The following DNAH14 variants were observed in gnomAD, a reference collection of about 807,000 sequenced individuals.
The protein encoded by DNAH14 is dynein axonemal heavy chain 14.
Under a neutral mutation model 520.9 loss-of-function variants are expected in DNAH14, and 478 were observed. The observed-to-expected ratio is 0.92, with a 90% CI of 0.85 to 0.99. The LOEUF is 0.99. Among genes scored for constraint, DNAH14 ranks in the 50% least tolerant of loss-of-function variants. DNAH14 has a pLI of 0.00. For missense variants in DNAH14, 4,831 were observed against 5,234.5 expected, an observed-to-expected ratio of 0.92 and a Z score of 2.38; for synonymous variants, 1,581 against 1,757.2, an observed-to-expected ratio of 0.90 and a Z score of 2.51.
Position 225,062,732 on chromosome 1 carries a change from T to G in DNAH14, c.2424+10937T>G, listed in dbSNP as rs79776474. ...CAACAATTATACAAGGCATTCAGTGTGGACCCCAAATGAGTAAACCTTAGC... is the reference window on the plus strand; with the variant it reads ...CAACAATTATACAAGGCATTCAGTGGGGACCCCAAATGAGTAAACCTTAGC... On this transcript the variant is annotated intron_variant, in intron 17 of 85. Coordinates refer to ENST00000682510, the MANE Select transcript of DNAH14 (RefSeq NM_001367479.1). 5.0e-3 allele frequency among the ~76,000 whole-genome samples: 762 copies of G among 152,320 alleles called. 6 individuals are homozygous for G. Among genetic ancestry groups the G allele is most frequent in the African/African-American group, 0.017 (719 of 41,570 alleles).
intron 36 of DNAH14, among the ~76,000 whole-genome samples, chr1:225,170,849 C>A (rs1391123164): frequency 6.6e-6 from 1 of 152,116 alleles, no homozygotes; most frequent in Non-Finnish European, 1.5e-5. Flanking sequence ...CTTATTCCAA[C>A]ATTGACCACT....
chr1:225,187,054 C>T (rs376314723), intron 37 of DNAH14, among the ~76,000 whole-genome samples: 4 of 151,800 alleles, frequency 2.6e-5, no homozygotes, highest in South Asian at 4.2e-4. Flanking sequence ...ATCATAGGAA[C>T]ACTCCTTGCT....
At chr1:224,980,150 T>G (rs2062158400) in intron 8 of DNAH14, among the ~76,000 whole-genome samples, 1 of 152,142 alleles carries the variant, frequency 6.6e-6, no homozygotes, top group African/African-American at 2.4e-5. Context: ...TTAGGTACTA[T>G]CTTGGCCACA....
intron 41 of DNAH14, among the ~76,000 whole-genome samples, chr1:225,219,436 C>A (rs190868993): frequency 6.7e-6 from 1 of 149,950 alleles, no homozygotes; most frequent in African/African-American, 2.4e-5. Flanking sequence ...AGAAAAGAGA[C>A]AAGAATCAAA....
intron 81 of DNAH14, among the ~76,000 whole-genome samples, chr1:225,386,433 T>G (rs569938550): frequency 1.3e-5 from 2 of 152,198 alleles, no homozygotes; most frequent in South Asian, 4.1e-4. Flanking sequence ...TACCATCAGA[T>G]TGAACAGGCA....
chr1:224,985,874 T>G (rs1011412492), intron 8 of DNAH14, among the ~76,000 whole-genome samples: 1 of 149,106 alleles, frequency 6.7e-6, no homozygotes, highest in African/African-American at 2.5e-5. Flanking sequence ...TAAAAAAGAA[T>G]AAAAAAAAAT....
At chr1:225,367,406 C>A (rs2095567324) in intron 76 of DNAH14, among the ~76,000 whole-genome samples, 1 of 152,130 alleles carries the variant, frequency 6.6e-6, no homozygotes, top group African/African-American at 2.4e-5. Context: ...TGATGTGGGA[C>A]CCTCTGTATC....
intron 76 of DNAH14, among the ~76,000 whole-genome samples, chr1:225,366,301 T>C (rs2095552450): frequency 6.6e-6 from 1 of 152,174 alleles, no homozygotes; most frequent in Admixed American, 6.5e-5. Flanking sequence ...TTTCATACAA[T>C]TTGATCATGG....
At chr1:225,018,227 G>A (rs1203850654) in intron 10 of DNAH14, among the ~76,000 whole-genome samples, 5 of 152,116 alleles carry the variant, frequency 3.3e-5, no homozygotes, top group Non-Finnish European at 7.4e-5. Context: ...ACTGAATTTC[G>A]GGATATGCAA....
At chr1:225,229,944 T>C (rs1342786048) in intron 41 of DNAH14, among the ~76,000 whole-genome samples, 1 of 152,144 alleles carries the variant, frequency 6.6e-6, no homozygotes, top group Admixed American at 6.6e-5. Context: ...TATTTTTTCA[T>C]CTTTGGTAGT....
chr1:225,337,595 G>GA, intron 67 of DNAH14, 99 bp downstream of exon 67: 1 of 916,564 alleles, frequency 1.1e-6, no homozygotes, highest in East Asian at 2.7e-5. Flanking sequence ...ATAACTGTCA[G>GA]GGAAAAAATA....
At chr1:225,014,155 A>G (rs1558683512) in intron 10 of DNAH14, among the ~76,000 whole-genome samples, 1 of 152,096 alleles carries the variant, frequency 6.6e-6, no homozygotes, top group Non-Finnish European at 1.5e-5. Flanking sequence ...TCTGGGCTGG[A>G]TAGTCTTGTC....
rs1421138054 is a variant in DNAH14 at position 225,159,710 on chromosome 1, AG to A, written c.5445+227del. Among the ~76,000 whole-genome samples the A allele has an allele frequency of 2.7e-3, 417 of 152,332 alleles. 5 individuals are homozygous for A. Among genetic ancestry groups the A allele is most frequent in the African/African-American group, 9.5e-3 (394 of 41,586 alleles). ...AGAATGAACCATGTACCTTTAGGCA[AG>A]GATGATCATTATATATTTTGTTTCT... On this transcript the variant is annotated intron_variant, in intron 35 of 85. Coordinates refer to ENST00000682510, the MANE Select transcript of DNAH14 (RefSeq NM_001367479.1).
At chr1:225,098,397 CA>C (rs1370060521) in intron 22 of DNAH14, among the ~76,000 whole-genome samples, 1 of 152,120 alleles carries the variant, frequency 6.6e-6, no homozygotes, top group Non-Finnish European at 1.5e-5. Flanking sequence ...AAACTATTGA[CA>C]GCAAATCATA....
intron 21 of DNAH14, among the ~76,000 whole-genome samples, chr1:225,094,675 AAAACAACAAAACAAACAAAC>A (rs2074750969): frequency 2.0e-5 from 2 of 97,794 alleles, no homozygotes; most frequent in African/African-American, 2.2e-4. Flanking sequence ...AAAAAAAAAA[AAAACAACAAAACAAACAAAC>A]AAAAAAACGC....
At chr1:225,321,034 G>A (rs774492182) in intron 61 of DNAH14, among the ~76,000 whole-genome samples, 5 of 152,110 alleles carry the variant, frequency 3.3e-5, no homozygotes, top group Non-Finnish European at 7.4e-5. Context: ...TCTCCTTTGT[G>A]GACCTTTTCT....
intron 71 of DNAH14, among the ~76,000 whole-genome samples, chr1:225,349,004 C>T (rs938804198): frequency 1.3e-5 from 2 of 152,024 alleles, no homozygotes; most frequent in African/African-American, 2.4e-5. Context: ...GACATAGTCT[C>T]ACTGTCACCC....
At chr1:225,066,608 A>G (rs1055959046) in intron 17 of DNAH14, among the ~76,000 whole-genome samples, 2 of 151,894 alleles carry the variant, frequency 1.3e-5, no homozygotes, top group Admixed American at 1.3e-4. Flanking sequence ...ACTGAGCTGT[A>G]TACACTGTAC....
chr1:225,264,337 T>G, intron 47 of DNAH14, 76 bp downstream of exon 47: 1 of 1,128,750 alleles, frequency 8.9e-7, no homozygotes, highest in Non-Finnish European at 1.3e-6. Flanking sequence ...ATTTCTTACA[T>G]TCATGGATCT....
Sources: gnomAD v4.1 joint callset for allele counts (sites outside exome capture counted in the v4.1 genomes callset) on GRCh38, gnomAD v4.1.1 for gene constraint, MANE v1.5 for transcripts, NCBI Gene and HGNC (gene_info 2026-07-23, HGNC 2026-07-21) for gene names.